The following OLFML2A variants were observed in gnomAD, a reference collection of about 807,000 sequenced individuals.
The protein encoded by OLFML2A is olfactomedin like 2A.
In OLFML2A, 47 loss-of-function variants were observed where a neutral mutation model predicts 60.9. The observed-to-expected ratio is 0.77, with a 90% CI of 0.61 to 0.98. The LOEUF (loss-of-function observed/expected upper bound fraction) is 0.98. Among genes scored for constraint, OLFML2A ranks in the 50% least tolerant of loss-of-function variants. The probability of loss-of-function intolerance (pLI) is 0.00; values close to 1 mark genes in which losing one functional copy is unlikely to be tolerated. For missense variants in OLFML2A, 922 were observed against 879.8 expected (o/e 1.05, Z -0.61); for synonymous variants, 372 against 375.0 (o/e 0.99, Z 0.09).
intron 3 of OLFML2A, among the ~76,000 whole-genome samples, chr9:124,798,061 G>T (rs1841699773): frequency 6.6e-6 from 1 of 152,144 alleles, no homozygotes; most frequent in Non-Finnish European, 1.5e-5. Context: ...GACTTGCAGG[G>T]AGCAGAGATT....
intron 4 of OLFML2A, among the ~76,000 whole-genome samples, chr9:124,800,273 G>A (rs1373665614): frequency 6.6e-6 from 1 of 152,192 alleles, no homozygotes; most frequent in Non-Finnish European, 1.5e-5. Flanking sequence ...GTCACCCTTG[G>A]GCAAGACACA....
chr9:124,792,462 T>C (rs1043921018), intron 2 of OLFML2A, among the ~76,000 whole-genome samples: 1 of 152,226 alleles, frequency 6.6e-6, no homozygotes, highest in African/African-American at 2.4e-5. Flanking sequence ...TGCTGTGTCC[T>C]TGGCAGTCTG....
chr9:124,801,694 A>G (rs765798569), intron 5 of OLFML2A, 31 bp downstream of exon 5: 22 of 1,603,700 alleles, frequency 1.4e-5, no homozygotes, highest in Non-Finnish European at 1.5e-5. Flanking sequence ...GACCCTGGGG[A>G]GTCAGGGATG....
rs755030817 is a variant in OLFML2A, at chr9:124,810,388, C to T, written c.1935C>T (p.Thr645=). Residue 645 remains threonine, a synonymous_variant, in exon 8 of 8, where the codon ACC becomes ACT. Coordinates refer to ENST00000373580, the MANE Select transcript of OLFML2A (RefSeq NM_182487.4). ...CCTGGGACAATGGCCACCAGCTCACCTACACCCTCCACTTCGTGGTCTGAG... is the reference window on the plus strand; with the variant it reads ...CCTGGGACAATGGCCACCAGCTCACTTACACCCTCCACTTCGTGGTCTGAG... The part of the protein sequence containing the change: ...LYAWDNGHQL[T]YTLHFVV 36 of 1,598,864 alleles carry T rather than the reference C, an allele frequency of 2.3e-5. No individual in the cohort carries two copies. The South Asian group carries it at 3.7e-4, about 17-fold the overall frequency.
At chr9:124,781,671 G>C (rs1841362879) in intron 1 of OLFML2A, among the ~76,000 whole-genome samples, 1 of 152,044 alleles carries the variant, frequency 6.6e-6, no homozygotes, top group South Asian at 2.1e-4. Context: ...GCACACACCT[G>C]TAATCCTGGA....
At chr9:124,806,631 A>AT (rs1019631667) in intron 6 of OLFML2A, among the ~76,000 whole-genome samples, 9 of 150,776 alleles carry the variant, frequency 6.0e-5, no homozygotes, top group South Asian at 4.2e-4. Context: ...TTTTATTTTT[A>AT]TTTTTTTTGA....
Position 124,807,791 on chromosome 9 carries a change from G to C in OLFML2A, c.1179G>C (p.Ala393=). The change falls in exon 7 of 8, where the codon GCG becomes GCC. Residue 393 remains alanine, a synonymous_variant. Transcript: ENST00000373580. ...GPEVSSQGRE[A]SCEGTLRAVD... is the part of the protein sequence containing the mutation. ...CCCTCCTCCCCACAGGCAGAGAGGC[G>C]AGCTGTGAGGGCACCCTCCGGGCTG... 1 of 1,611,500 alleles carries C rather than the reference G, an allele frequency of 6.2e-7. No individual in the cohort carries two copies.
rs1056429231 is a variant in OLFML2A, at chr9:124,812,974, C to G, written c.*2562C>G. 6.6e-6 allele frequency: 1 copy of G among 151,756 alleles called. No homozygotes were observed. The highest frequency in any genetic ancestry group is 1.5e-5 in the Non-Finnish European group (1 of 68,052). The allele number at this position is 151,756 out of a possible 1,614,324, so 9.4% of individuals were successfully genotyped here. ...TTCTTTTCTTTTCTTTTTTTTGAGA[C>G]AGAGTTTCGCTTTTGTTGCCCGGGC... is the stretch of plus-strand genomic sequence containing the variant. On this transcript the variant is annotated 3_prime_UTR_variant, in exon 8 of 8. Transcript: ENST00000373580.
intron 6 of OLFML2A, among the ~76,000 whole-genome samples, chr9:124,806,415 A>T (rs1258486264): frequency 6.6e-6 from 1 of 151,962 alleles, no homozygotes. Context: ...TGTGGCGAGA[A>T]CACTTAAAAT....
At chr9:124,802,308 GCC>G (rs1841793576) in intron 5 of OLFML2A, among the ~76,000 whole-genome samples, 1 of 151,952 alleles carries the variant, frequency 6.6e-6, no homozygotes, top group East Asian at 1.9e-4. Context: ...ACTAAGACCC[GCC>G]CCAGATGGCT....
chr9:124,791,055 A>T (rs1176491711), intron 2 of OLFML2A, among the ~76,000 whole-genome samples: 5 of 152,226 alleles, frequency 3.3e-5, no homozygotes, highest in Non-Finnish European at 1.5e-5. Flanking sequence ...TGATGGGACC[A>T]GACATGGCTC....
At chr9:124,808,839 G>A (rs1027013938) in intron 7 of OLFML2A, among the ~76,000 whole-genome samples, 23 of 151,990 alleles carry the variant, frequency 1.5e-4, no homozygotes, top group Non-Finnish European at 2.9e-4. Flanking sequence ...ACTTAACCCC[G>A]AGAGCCATGG....
rs1048269770 is a variant in OLFML2A, at chr9:124,779,058, G to A, written c.90+1698G>A. ...CAGCTCAGGGCATGAAAGCACCCAC[G>A]TACAACGCTGCTCATGTACTCCAGA... is the stretch of plus-strand genomic sequence containing the variant. On this transcript the variant is annotated intron_variant, in intron 1 of 7. Coordinates refer to ENST00000373580, the MANE Select transcript of OLFML2A (RefSeq NM_182487.4). This position sits in a 1 kb window ranked among gnomAD's most constrained non-coding sequence, Gnocchi z 4.1. 3 of 473,132 alleles carry A rather than the reference G, an allele frequency of 6.3e-6. No homozygotes were observed. Among genetic ancestry groups the A allele is most frequent in the Non-Finnish European group, 8.3e-6 (3 of 361,874 alleles). The allele number at this position is 473,132 out of a possible 1,614,324, so 29.3% of individuals were successfully genotyped here.
chr9:124,795,427 G>T (rs1028568076), intron 3 of OLFML2A, among the ~76,000 whole-genome samples: 1 of 152,216 alleles, frequency 6.6e-6, no homozygotes, highest in South Asian at 2.1e-4. Flanking sequence ...AGTGCACCAA[G>T]ATCAGGACCC....
At chr9:124,784,618 A>G (rs191885784) in intron 1 of OLFML2A, among the ~76,000 whole-genome samples, 42 of 152,350 alleles carry the variant, frequency 2.8e-4, no homozygotes, top group African/African-American at 9.9e-4. Flanking sequence ...ATCATTTTTA[A>G]GTATACACTT....
rs1408761436 is a variant in OLFML2A at position 124,809,964 on chromosome 9, A to G, written c.1511A>G (p.Asp504Gly). Reference sequence around the variant, plus strand: ...GTGGCCTCCTGGGCGCTGCTGCCCGACGTGGTATATGAGGACACCACACCT... The same window carrying G: ...GTGGCCTCCTGGGCGCTGCTGCCCGGCGTGGTATATGAGGACACCACACCT... ...RFVASWALLPDVVYEDTTPWK... is the reference protein window; with the variant it reads ...RFVASWALLPGVVYEDTTPWK... The change falls in exon 8 of 8, where the codon GAC (aspartate) becomes GGC (glycine). Residue 504 changes from aspartate (D) to glycine (G), a missense_variant. Coordinates refer to ENST00000373580, the MANE Select transcript of OLFML2A (RefSeq NM_182487.4). 2.5e-6 allele frequency: 4 copies of G among 1,614,000 alleles called. No homozygotes were observed. In the East Asian group the frequency reaches 6.7e-5, roughly 27 times the overall value.
rs755937514 is a variant in OLFML2A at position 124,807,822 on chromosome 9, C to G, written c.1210C>G (p.Pro404Ala). 1.2e-6 allele frequency: 2 copies of G among 1,613,824 alleles called. No homozygotes were observed. The highest frequency in any genetic ancestry group is 1.1e-5 in the South Asian group (1 of 91,078). The change falls in exon 7 of 8, where the codon CCC becomes GCC. Residue 404 changes from proline to alanine, a missense_variant. By Grantham distance (27) the Pro-to-Ala change is conservative (BLOSUM62 -1). Coordinates refer to ENST00000373580, the MANE Select transcript of OLFML2A (RefSeq NM_182487.4). ...TGAGGGCACCCTCCGGGCTGTGGAC[C>G]CCCCTGTGAGGCACCACAGCTATGG... The part of the protein sequence containing the change: ...SCEGTLRAVD[P>A]PVRHHSYGRH...
intron 6 of OLFML2A, among the ~76,000 whole-genome samples, chr9:124,805,125 T>G (rs1205750390): frequency 2.0e-5 from 3 of 152,324 alleles, no homozygotes; most frequent in East Asian, 3.9e-4. Flanking sequence ...GATGTCAGCA[T>G]TTATAGTTTT....
rs768257527 is a variant in OLFML2A, at chr9:124,809,891, C to T, written c.1438C>T (p.Arg480Cys). The change falls in exon 8 of 8, where the codon CGC becomes TGC. Residue 480 changes from arginine (R) to cysteine (C), a missense_variant. Coordinates refer to ENST00000373580, the MANE Select transcript of OLFML2A (RefSeq NM_182487.4). ...VVYQGAFYYN[R>C]AFTKNIIKYD... is the part of the protein sequence containing the mutation. The stretch of plus-strand genomic sequence containing the variant: ...GTACCAGGGCGCCTTCTACTACAAC[C>T]GCGCCTTCACCAAGAACATCATCAA... The T allele has an allele frequency of 2.4e-5, 39 of 1,614,082 alleles. No homozygotes were observed. The highest frequency in any genetic ancestry group is 3.3e-5 in the South Asian group (3 of 91,084).
Sources: allele counts gnomAD v4.1 joint callset (sites outside exome capture counted in the v4.1 genomes callset), GRCh38; gene constraint gnomAD v4.1.1; non-coding constraint Gnocchi (gnomAD v3.1); transcripts MANE v1.5; gene names NCBI Gene and HGNC (gene_info 2026-07-23, HGNC 2026-07-21).